SDCCAG8: variants seen among roughly 807,000 people sequenced by gnomAD.
SDCCAG8 encodes the protein SHH signaling and ciliogenesis regulator SDCCAG8.
Under a neutral mutation model 101.8 loss-of-function variants are expected in SDCCAG8, and 74 were observed. The observed-to-expected ratio is 0.73, with a 90% CI of 0.60 to 0.88. The LOEUF is 0.88. SDCCAG8 is among the 40% of genes least tolerant of loss of function. The pLI, the probability that SDCCAG8 is intolerant of heterozygous loss-of-function variation, is 0.00. For missense variants in SDCCAG8, 787 were observed against 822.6 expected, an observed-to-expected ratio of 0.96 and a Z score of 0.53; for synonymous variants, 281 against 292.9, an observed-to-expected ratio of 0.96 and a Z score of 0.41.
intron 13 of SDCCAG8, among the ~76,000 whole-genome samples, chr1:243,410,766 T>A (rs374992163): frequency 6.6e-6 from 1 of 152,202 alleles, no homozygotes; most frequent in African/African-American, 2.4e-5. Flanking sequence ...ATTGCAAGAT[T>A]TAAAATAATA....
At chr1:243,407,510 A>G (rs1420732355) in intron 13 of SDCCAG8, among the ~76,000 whole-genome samples, 1 of 152,194 alleles carries the variant, frequency 6.6e-6, no homozygotes, top group Admixed American at 6.5e-5. Flanking sequence ...TTTTGTTTTA[A>G]AAGTAGATGG....
intron 16 of SDCCAG8, among the ~76,000 whole-genome samples, chr1:243,437,363 C>T (rs949576970): frequency 1.2e-4 from 18 of 151,908 alleles, no homozygotes; most frequent in Non-Finnish European, 2.5e-4. Flanking sequence ...GAATCCAGTG[C>T]GGGAGGTATA....
rs146472657 is a variant in SDCCAG8 at position 243,335,785 on chromosome 1, A to ACTCC, written c.1221+5101_1221+5104dup. 4.7e-5 allele frequency among the ~76,000 whole-genome samples: 7 copies of ACTCC among 149,198 alleles called. No homozygotes were observed. The East Asian group carries it at 7.9e-4, about 17-fold the overall frequency. On this transcript the variant is annotated intron_variant, in intron 10 of 17. Transcript: ENST00000366541. Reference sequence around the variant, plus strand: ...TAGTTAGTTTTTCAACCCCTACCCCACTCCCTCCCTCTCCTCTCTAGTCAT... The same window carrying ACTCC: ...TAGTTAGTTTTTCAACCCCTACCCCACTCCCTCCCTCCCTCTCCTCTCTAGTCAT...
At chr1:243,283,818 G>T (rs2069311118) in intron 4 of SDCCAG8, among the ~76,000 whole-genome samples, 1 of 152,138 alleles carries the variant, frequency 6.6e-6, no homozygotes, top group African/African-American at 2.4e-5. Context: ...TTGGCTCACT[G>T]CAACCTCTGC....
intron 16 of SDCCAG8, among the ~76,000 whole-genome samples, chr1:243,430,321 G>A (rs1053044933): frequency 1.9e-4 from 29 of 152,156 alleles, no homozygotes; most frequent in African/African-American, 7.0e-4. Context: ...TAGTACTGGA[G>A]GAAGAGCAAG....
intron 16 of SDCCAG8, among the ~76,000 whole-genome samples, chr1:243,441,716 T>G (rs563127035): frequency 1.3e-5 from 2 of 152,330 alleles, no homozygotes; most frequent in African/African-American, 4.8e-5. Flanking sequence ...ATACAGACTT[T>G]GGAGTATCTT....
intron 13 of SDCCAG8, among the ~76,000 whole-genome samples, chr1:243,394,239 C>T (rs2078900554): frequency 6.6e-6 from 1 of 152,158 alleles, no homozygotes; most frequent in African/African-American, 2.4e-5. Flanking sequence ...GGTGGTATAA[C>T]ATAGCCATAT....
intron 12 of SDCCAG8, among the ~76,000 whole-genome samples, chr1:243,372,024 T>C (rs1328038971): frequency 6.6e-6 from 1 of 152,152 alleles, no homozygotes; most frequent in Non-Finnish European, 1.5e-5. Flanking sequence ...TATAAGTTAA[T>C]AAAAGTATGA....
intron 16 of SDCCAG8, among the ~76,000 whole-genome samples, chr1:243,437,646 C>G (rs2082231846): frequency 6.6e-6 from 1 of 151,548 alleles, no homozygotes; most frequent in African/African-American, 2.4e-5. Flanking sequence ...ACGCCATTCT[C>G]CTGCCTCAGC....
intron 16 of SDCCAG8, among the ~76,000 whole-genome samples, chr1:243,429,733 A>C: frequency 1.7e-5 from 2 of 117,390 alleles, no homozygotes; most frequent in Admixed American, 1.2e-4. Context: ...ACAGAGTCTC[A>C]CTCTGTCGCC....
At chr1:243,317,314 G>T (rs114432126) in intron 9 of SDCCAG8, among the ~76,000 whole-genome samples, 76 of 148,676 alleles carry the variant, frequency 5.1e-4, no homozygotes, top group African/African-American at 1.7e-3. Flanking sequence ...TACATATTTA[G>T]TAGCATTTTT....
chr1:243,276,841 TC>T (rs1558221730), intron 4 of SDCCAG8, among the ~76,000 whole-genome samples: 3 of 152,108 alleles, frequency 2.0e-5, no homozygotes, highest in Admixed American at 2.0e-4. Flanking sequence ...CAACCATTGA[TC>T]TTTTTACTCT....
At chr1:243,325,173 A>G (rs1158864678) in intron 9 of SDCCAG8, among the ~76,000 whole-genome samples, 1 of 152,240 alleles carries the variant, frequency 6.6e-6, no homozygotes, top group African/African-American at 2.4e-5. Flanking sequence ...TTAATTAACA[A>G]TAAATGTTTG....
intron 10 of SDCCAG8, among the ~76,000 whole-genome samples, chr1:243,330,952 C>G (rs924720105): frequency 6.6e-6 from 1 of 152,038 alleles, no homozygotes; most frequent in Non-Finnish European, 1.5e-5. Flanking sequence ...ACTTTAAATC[C>G]TGCCATTCTG....
chr1:243,425,760 C>T (rs535411224), intron 15 of SDCCAG8, among the ~76,000 whole-genome samples: 7 of 152,206 alleles, frequency 4.6e-5, no homozygotes, highest in Admixed American at 2.6e-4. Context: ...ATCTAAGACA[C>T]GAAAAACAAG....
rs369345394 is a variant in SDCCAG8, at chr1:243,426,590, G to A, written c.1985+32G>A. The A allele has an allele frequency of 6.8e-5, 110 of 1,613,342 alleles. No individual in the cohort carries two copies. The South Asian group carries it at 8.5e-4, about 12-fold the overall frequency. ...AAGGTTTCATGTCAACTCATGTGCC[G>A]CATATTGAATGTGTTTGGTTTACAC... On this transcript the variant is annotated intron_variant, in intron 16 of 17. Transcript: ENST00000366541.
chr1:243,450,204 G>A (rs2083249852), intron 16 of SDCCAG8, among the ~76,000 whole-genome samples: 1 of 152,170 alleles, frequency 6.6e-6, no homozygotes, highest in East Asian at 1.9e-4. Flanking sequence ...AATCTCTGAA[G>A]TCCCAGTGTA....
intron 6 of SDCCAG8, among the ~76,000 whole-genome samples, chr1:243,298,061 T>C (rs1277200007): frequency 1.3e-5 from 2 of 151,334 alleles, no homozygotes; most frequent in East Asian, 3.9e-4. Context: ...TTTTTTTTTT[T>C]TTTTTAAGAC....
At chr1:243,456,944 T>C (rs2083805577) in intron 16 of SDCCAG8, among the ~76,000 whole-genome samples, 1 of 152,184 alleles carries the variant, frequency 6.6e-6, no homozygotes, top group African/African-American at 2.4e-5. Context: ...TGCATTCATC[T>C]GAGGAAAAAG....
Sources: gnomAD v4.1 joint callset for allele counts (sites outside exome capture counted in the v4.1 genomes callset) on GRCh38, gnomAD v4.1.1 for gene constraint, MANE v1.5 for transcripts, NCBI Gene and HGNC (gene_info 2026-07-23, HGNC 2026-07-21) for gene names.